GAS2: variants seen among roughly 807,000 people sequenced by gnomAD.
GAS2 encodes the protein growth arrest specific 2.
Under a neutral mutation model 37.5 loss-of-function variants are expected in GAS2, and 20 were observed. The ratio of observed to expected loss-of-function variants is 0.53; its 90% CI spans 0.37 to 0.77. The LOEUF (loss-of-function observed/expected upper bound fraction) is 0.77. Ranked by LOEUF, GAS2 falls within the 30% of genes least tolerant of loss-of-function variation. GAS2 has a pLI of 0.00. For synonymous variants in GAS2, 144 were observed against 132.2 expected (o/e 1.09, Z -0.61); for missense variants, 336 against 373.4 (o/e 0.90, Z 0.82).
intron 4 of GAS2, among the ~76,000 whole-genome samples, chr11:22,731,994 A>G (rs944138945): frequency 4.0e-5 from 6 of 151,630 alleles, no homozygotes; most frequent in African/African-American, 1.4e-4. Flanking sequence ...CCTCTCCCCT[A>G]TGTCAGGGAA....
chr11:22,702,442 T>C (rs1041922949), intron 3 of GAS2: 6 of 152,174 alleles, frequency 3.9e-5, no homozygotes, highest in African/African-American at 1.4e-4. Context: ...TTTAAAAATC[T>C]TTGGACAAGA....
chr11:22,751,415 C>G (rs146785900), intron 6 of GAS2, among the ~76,000 whole-genome samples: 20 of 151,996 alleles, frequency 1.3e-4, no homozygotes, highest in African/African-American at 4.8e-4. Flanking sequence ...TTTAATGAAG[C>G]ATTTACCTTT....
chr11:22,719,052 C>T (rs1851823582), intron 3 of GAS2, among the ~76,000 whole-genome samples: 2 of 152,076 alleles, frequency 1.3e-5, no homozygotes, highest in African/African-American at 4.8e-5. Flanking sequence ...GTATAATTAA[C>T]ATGTAACAAA....
At chr11:22,719,306 C>T (rs1851835938) in intron 3 of GAS2, among the ~76,000 whole-genome samples, 1 of 152,114 alleles carries the variant, frequency 6.6e-6, no homozygotes, top group South Asian at 2.1e-4. Flanking sequence ...TGACTAACAT[C>T]TCCCAAGCCC....
chr11:22,784,883 G>C (rs932512162), intron 7 of GAS2, among the ~76,000 whole-genome samples: 1 of 152,104 alleles, frequency 6.6e-6, no homozygotes, highest in African/African-American at 2.4e-5. Flanking sequence ...TAAGATCTGA[G>C]GTCATGGTTT....
At chr11:22,789,459 T>TTTC (rs1317141345) in intron 7 of GAS2, among the ~76,000 whole-genome samples, 1 of 83,844 alleles carries the variant, frequency 1.2e-5, no homozygotes, top group East Asian at 3.1e-4. Flanking sequence ...TATATATTCT[T>TTTC]TTTTTTTTTT....
intron 1 of GAS2, among the ~76,000 whole-genome samples, chr11:22,650,404 G>T (rs1460334145): frequency 6.6e-6 from 1 of 151,832 alleles, no homozygotes; most frequent in Non-Finnish European, 1.5e-5. Flanking sequence ...GTTGATTTGG[G>T]GTGGAGAGTT....
intron 4 of GAS2, 53 bp from the exon 5 acceptor site, chr11:22,737,652 G>A: frequency 2.6e-6 from 4 of 1,542,950 alleles, no homozygotes; most frequent in Non-Finnish European, 2.7e-6. Context: ...CTGTGCTGTT[G>A]AGCTGCTTAT....
chr11:22,660,873 T>A (rs1260668543), intron 1 of GAS2, among the ~76,000 whole-genome samples: 3 of 152,208 alleles, frequency 2.0e-5, no homozygotes, highest in Non-Finnish European at 4.4e-5. Context: ...GTACTGCCCT[T>A]TTATAGGATG....
chr11:22,671,601 C>T (rs1849202861), intron 1 of GAS2, among the ~76,000 whole-genome samples: 1 of 152,072 alleles, frequency 6.6e-6, no homozygotes, highest in Non-Finnish European at 1.5e-5. Flanking sequence ...CCCTTGGCAT[C>T]TCTTGTGGTT....
intron 1 of GAS2, among the ~76,000 whole-genome samples, chr11:22,649,437 G>C: frequency 6.6e-6 from 1 of 152,086 alleles, no homozygotes. Flanking sequence ...CTCATAAAAT[G>C]AGTTAGGGAG....
At chr11:22,740,663 C>T (rs113233196) in intron 5 of GAS2, among the ~76,000 whole-genome samples, 2 of 152,120 alleles carry the variant, frequency 1.3e-5, no homozygotes, top group Non-Finnish European at 2.9e-5. Flanking sequence ...CCAATAAACT[C>T]AGATCTTACT....
chr11:22,692,900 C>T (rs917943331), intron 3 of GAS2, among the ~76,000 whole-genome samples: 2 of 152,104 alleles, frequency 1.3e-5, no homozygotes, highest in Non-Finnish European at 2.9e-5. Context: ...CAAGAACAAG[C>T]GAGGAACATT....
At chr11:22,742,201 A>T (rs917059669) in intron 5 of GAS2, among the ~76,000 whole-genome samples, 3 of 152,122 alleles carry the variant, frequency 2.0e-5, no homozygotes, top group Non-Finnish European at 4.4e-5. Flanking sequence ...GTATGAGGAT[A>T]TGATTTTAGT....
chr11:22,707,582 C>G (rs757229920), intron 3 of GAS2, among the ~76,000 whole-genome samples: 1 of 152,014 alleles, frequency 6.6e-6, no homozygotes, highest in Admixed American at 6.6e-5. Context: ...TCTAAGTGCT[C>G]GGGGAAGTTT....
At chr11:22,751,987 C>T (rs777691800) in intron 6 of GAS2, among the ~76,000 whole-genome samples, 7 of 151,986 alleles carry the variant, frequency 4.6e-5, no homozygotes, top group Non-Finnish European at 8.8e-5. Flanking sequence ...AGAATATAAA[C>T]ATCTGCTCAA....
At chr11:22,709,920 C>G (rs1489717940) in intron 3 of GAS2, among the ~76,000 whole-genome samples, 1 of 151,236 alleles carries the variant, frequency 6.6e-6, no homozygotes, top group Non-Finnish European at 1.5e-5. Context: ...GACAAAAAAA[C>G]CAAACACCGC....
chr11:22,714,572 A>C (rs1350141425), intron 3 of GAS2, among the ~76,000 whole-genome samples: 2 of 152,204 alleles, frequency 1.3e-5, no homozygotes, highest in Non-Finnish European at 2.9e-5. Context: ...TGCAGAATAA[A>C]GATTCTTTTC....
At position 22,800,748 on chromosome 11, in the gene GAS2, C is replaced by G. The variant is rs111589705; in HGVS notation, c.724-11050C>G. Among the ~76,000 whole-genome samples the G allele has an allele frequency of 9.2e-3, 1,405 of 152,168 alleles. 13 individuals carry two copies. The highest frequency in any genetic ancestry group is 0.027 in the African/African-American group (1,123 of 41,530). On this transcript the variant is annotated intron_variant, in intron 7 of 7. Coordinates refer to ENST00000454584, the MANE Select transcript of GAS2 (RefSeq NM_001143830.3). The stretch of plus-strand genomic sequence containing the variant: ...ACGATTTCAAACAGACAGGGACATT[C>G]AAGCAGATCTATGCTGGGGAATTAA...
Sources: allele counts gnomAD v4.1 joint callset (sites outside exome capture counted in the v4.1 genomes callset), GRCh38; gene constraint gnomAD v4.1.1; transcripts MANE v1.5; gene names NCBI Gene and HGNC (gene_info 2026-07-23, HGNC 2026-07-21).